Variants in WDR88 observed in about 807,000 individuals in gnomAD.
The protein encoded by WDR88 is WD repeat domain 88.
WDR88 carries 40 observed loss-of-function variants against 46.8 expected under a neutral mutation model. The ratio of observed to expected loss-of-function variants is 0.86; its 90% CI spans 0.66 to 1.11. WDR88 has a LOEUF of 1.11. WDR88 is among the 50% of genes most tolerant of loss of function. The pLI, the probability that WDR88 is intolerant of heterozygous loss-of-function variation, is 0.00. For missense variants in WDR88, 562 were observed against 602.4 expected (o/e 0.93, Z 0.70); for synonymous variants, 235 against 240.7 (o/e 0.98, Z 0.22).
chr19:33,142,581 G>T (rs1383261415), intron 2 of WDR88, among the ~76,000 whole-genome samples: 3 of 151,852 alleles, frequency 2.0e-5, no homozygotes, highest in African/African-American at 7.3e-5. Flanking sequence ...GGGACCGAGG[G>T]CCTCTCCAAG....
At chr19:33,174,699 T>C (rs1568374241) in intron 10 of WDR88, 15 of 985,414 alleles carry the variant, frequency 1.5e-5, no homozygotes, top group Non-Finnish European at 1.4e-5. Flanking sequence ...CAGGGAGTCA[T>C]CCTCTTAGTC....
At chr19:33,170,156 C>A (rs1028714623) in intron 9 of WDR88, among the ~76,000 whole-genome samples, 1 of 151,802 alleles carries the variant, frequency 6.6e-6, no homozygotes, top group Non-Finnish European at 1.5e-5. Context: ...GGATTACAGG[C>A]GTGAGCCACT....
intron 9 of WDR88, among the ~76,000 whole-genome samples, chr19:33,170,620 G>C (rs761079228): frequency 3.8e-4 from 58 of 152,130 alleles, no homozygotes; most frequent in Non-Finnish European, 7.2e-4. Flanking sequence ...CAGCAATTTG[G>C]GAGGCTGAGA....
rs1477537421 is a variant in WDR88 at position 33,169,863 on chromosome 19, ATTAT to A, written c.1150-2474_1150-2471del. ...TAGGCTATATCTATCTAAAATGTGC[ATTAT>A]TTATTTATTTTATTTTATTTTATTT... On this transcript the variant is annotated intron_variant, in intron 9 of 10. Transcript: ENST00000355868. Among the ~76,000 whole-genome samples the A allele has an allele frequency of 3.9e-5, 6 of 152,180 alleles. No homozygotes were observed. In the South Asian group the frequency reaches 1.2e-3, roughly 32 times the overall value.
At chr19:33,171,072 G>A (rs1375012722) in intron 9 of WDR88, among the ~76,000 whole-genome samples, 1 of 152,062 alleles carries the variant, frequency 6.6e-6, no homozygotes, top group African/African-American at 2.4e-5. Flanking sequence ...TGCAAACTCT[G>A]CCTCCCAAGT....
chr19:33,152,213 CAG>C (rs763366777), intron 6 of WDR88, among the ~76,000 whole-genome samples: 1 of 150,744 alleles, frequency 6.6e-6, no homozygotes, highest in Non-Finnish European at 1.5e-5. Context: ...GCCTAGGTGA[CAG>C]AGTGAGACTC....
At chr19:33,144,144 T>G (rs572495785) in intron 2 of WDR88, among the ~76,000 whole-genome samples, 9 of 152,282 alleles carry the variant, frequency 5.9e-5, no homozygotes, top group Non-Finnish European at 1.3e-4. Context: ...TGCCCTCAGT[T>G]GGCCCCGGCC....
In WDR88 at chr19:33,175,601, G is replaced by A. The variant is rs540681693; in HGVS notation, c.*29G>A. 1 of 1,613,292 alleles carries A rather than the reference G, an allele frequency of 6.2e-7. No individual in the cohort carries two copies. The highest frequency in any genetic ancestry group is 1.3e-5 in the African/African-American group (1 of 75,044). ...CCACAGGCCCCTTTGAGTGACTCCA[G>A]CACAGGCTACCTAGCATGTAGGTTT... On this transcript the variant is annotated 3_prime_UTR_variant, in exon 11 of 11. Coordinates refer to ENST00000355868, the MANE Select transcript of WDR88 (RefSeq NM_173479.4).
chr19:33,138,195 C>T (rs572612108), intron 2 of WDR88, among the ~76,000 whole-genome samples: 29 of 152,210 alleles, frequency 1.9e-4, no homozygotes, highest in African/African-American at 6.5e-4. Flanking sequence ...TGCCACCACA[C>T]CCAGCTAATT....
chr19:33,138,123 G>A (rs1156455759), intron 2 of WDR88, among the ~76,000 whole-genome samples: 14 of 151,216 alleles, frequency 9.3e-5, no homozygotes, highest in Admixed American at 7.9e-4. Flanking sequence ...TGCAACCTCC[G>A]CCTCCTGAGT....
chr19:33,172,209 A>G (rs1030095397), intron 9 of WDR88, 139 bp from the exon 10 acceptor site: 6 of 684,542 alleles, frequency 8.8e-6, no homozygotes, highest in Non-Finnish European at 1.0e-5. Context: ...GTTGGCTTCT[A>G]TGGCATAACA....
intron 4 of WDR88, 95 bp from the exon 5 acceptor site, chr19:33,148,677 G>A: frequency 1.3e-6 from 2 of 1,483,904 alleles, no homozygotes; most frequent in Non-Finnish European, 1.9e-6. Flanking sequence ...GGTCTCAAGC[G>A]ATCCTCCAGC....
At chr19:33,141,228 T>TTTTTTTTTG (rs1973386437) in intron 2 of WDR88, among the ~76,000 whole-genome samples, 1 of 72,958 alleles carries the variant, frequency 1.4e-5, no homozygotes, top group Admixed American at 1.7e-4. Context: ...TGGGAGCATG[T>TTTTTTTTTG]TTTTTTTTTT....
intron 8 of WDR88, among the ~76,000 whole-genome samples, chr19:33,161,607 A>C (rs749636776): frequency 6.6e-6 from 1 of 152,174 alleles, no homozygotes; most frequent in Non-Finnish European, 1.5e-5. Flanking sequence ...TTGGGGAGAC[A>C]AAGCGAGTTT....
At chr19:33,174,084 T>G in intron 10 of WDR88, 1 of 1,348,930 alleles carries the variant, frequency 7.4e-7, no homozygotes, top group Non-Finnish European at 1.0e-6. Context: ...ACTCCTGAGC[T>G]CAAGTGATCC....
At chr19:33,132,693 T>A (rs1168043664) in intron 1 of WDR88, among the ~76,000 whole-genome samples, 1 of 152,204 alleles carries the variant, frequency 6.6e-6, no homozygotes, top group African/African-American at 2.4e-5. Context: ...GACTCTTCGC[T>A]GGGAGGAGGC....
At chr19:33,174,617 C>G (rs1282374596) in intron 10 of WDR88, 19 of 984,974 alleles carry the variant, frequency 1.9e-5, no homozygotes, top group Non-Finnish European at 2.2e-5. Context: ...CTGCTTCACA[C>G]CCCTGCTTTG....
rs994929599 is a variant in WDR88, at chr19:33,144,039, G to A, written c.388-805G>A. ...ATGCCCAGTGTGGAGGGAGTGGGCC[G>A]ATCTCTGCACAGCCGCTGTTCCTGC... On this transcript the variant is annotated intron_variant, in intron 2 of 10. Coordinates refer to ENST00000355868, the MANE Select transcript of WDR88 (RefSeq NM_173479.4). Among the ~76,000 whole-genome samples the A allele has an allele frequency of 7.2e-5, 11 of 152,224 alleles. No individual in the cohort carries two copies. In the East Asian group the frequency reaches 1.4e-3, roughly 19 times the overall value.
chr19:33,174,070 T>G (rs1599922186), intron 10 of WDR88: 2 of 1,189,498 alleles, frequency 1.7e-6, no homozygotes, highest in East Asian at 5.2e-5. Context: ...CAGGTTGGTC[T>G]CGAACTCCTG....
Sources: allele counts gnomAD v4.1 joint callset (sites outside exome capture counted in the v4.1 genomes callset), GRCh38; gene constraint gnomAD v4.1.1; transcripts MANE v1.5; gene names NCBI Gene and HGNC (gene_info 2026-07-23, HGNC 2026-07-21).